The following TMEM245 variants were observed in gnomAD, a reference collection of about 807,000 sequenced individuals.
TMEM245 encodes the protein protein CG-2.
In TMEM245, 69 loss-of-function variants were observed where a neutral mutation model predicts 101.2. The observed-to-expected ratio is 0.68, with a 90% CI of 0.56 to 0.83. TMEM245 has a LOEUF of 0.83. Ranked by LOEUF, TMEM245 falls within the 40% of genes least tolerant of loss-of-function variation. The probability of loss-of-function intolerance (pLI) is 0.00; values close to 1 mark genes in which losing one functional copy is unlikely to be tolerated. For synonymous variants in TMEM245, 537 were observed against 449.8 expected, an observed-to-expected ratio of 1.19 and a Z score of -2.45; for missense variants, 1,075 against 1,092.8, an observed-to-expected ratio of 0.98 and a Z score of 0.23.
intron 1 of TMEM245, among the ~76,000 whole-genome samples, chr9:109,111,901 C>T (rs1830576209): frequency 6.6e-6 from 1 of 152,122 alleles, no homozygotes; most frequent in African/African-American, 2.4e-5. Flanking sequence ...TGTTTTATTA[C>T]AGGTGCTCAA....
intron 14 of TMEM245, 77 bp downstream of exon 14, chr9:109,050,206 T>G: frequency 6.5e-7 from 1 of 1,533,982 alleles, no homozygotes; most frequent in Non-Finnish European, 8.9e-7. Flanking sequence ...GTTATCAGGA[T>G]GCTCATGACA....
intron 14 of TMEM245, among the ~76,000 whole-genome samples, chr9:109,044,413 T>C (rs976841514): frequency 4.6e-5 from 7 of 152,142 alleles, no homozygotes; most frequent in Non-Finnish European, 1.0e-4. Context: ...AGGAAGAAGA[T>C]AAATAATGAA....
At chr9:109,028,498 T>TTG (rs1827855442) in intron 17 of TMEM245, among the ~76,000 whole-genome samples, 1 of 152,098 alleles carries the variant, frequency 6.6e-6, no homozygotes, top group Non-Finnish European at 1.5e-5. Flanking sequence ...AACACTTTCT[T>TTG]TGAGCATCAT....
intron 17 of TMEM245, among the ~76,000 whole-genome samples, chr9:109,021,725 C>T (rs1292825621): frequency 6.6e-6 from 1 of 152,018 alleles, no homozygotes; most frequent in Non-Finnish European, 1.5e-5. Context: ...ATCACCTGAG[C>T]CCAAGAGGTT....
chr9:109,046,334 G>A (rs766480460), intron 14 of TMEM245: 1 of 533,202 alleles, frequency 1.9e-6, no homozygotes, highest in Non-Finnish European at 3.9e-6. Flanking sequence ...CAGGGAAGAA[G>A]GGTGTGATGT....
At chr9:109,109,665 G>C (rs1420117721) in intron 1 of TMEM245, among the ~76,000 whole-genome samples, 1 of 151,966 alleles carries the variant, frequency 6.6e-6, no homozygotes, top group African/African-American at 2.4e-5. Flanking sequence ...GATAAATTTT[G>C]AAAAAGTTTT....
intron 15 of TMEM245, among the ~76,000 whole-genome samples, chr9:109,037,088 G>C (rs568368604): frequency 2.0e-5 from 3 of 152,258 alleles, no homozygotes; most frequent in Admixed American, 6.5e-5. Context: ...AATAGGGAAA[G>C]GGGGGGATGT....
intron 14 of TMEM245, among the ~76,000 whole-genome samples, chr9:109,045,862 C>T (rs1288548733): frequency 6.6e-6 from 1 of 152,082 alleles, no homozygotes; most frequent in African/African-American, 2.4e-5. Flanking sequence ...CTTCTCTATT[C>T]CAGTGTTGGG....
In TMEM245 at chr9:109,077,288, CT is replaced by C. The variant is rs1384084484; in HGVS notation, c.1449+3550del. ...ACCTCAGCCTCTCAAGTAGCTGGGA[CT>C]ACAGGCTTAAGTCACCATGCCCAAC... On this transcript the variant is annotated intron_variant, in intron 8 of 17. Transcript: ENST00000374586. Among the ~76,000 whole-genome samples the C allele has an allele frequency of 2.6e-5, 4 of 152,020 alleles. No individual in the cohort carries two copies. In the East Asian group the frequency reaches 7.7e-4, roughly 29 times the overall value.
At chr9:109,088,678 G>T (rs150845432) in intron 5 of TMEM245, among the ~76,000 whole-genome samples, 1 of 151,860 alleles carries the variant, frequency 6.6e-6, no homozygotes. Flanking sequence ...TTAGCCAGGC[G>T]TTGTGGCAGG....
At chr9:109,118,604 C>T (rs926017244) in intron 1 of TMEM245, among the ~76,000 whole-genome samples, 1 of 152,218 alleles carries the variant, frequency 6.6e-6, no homozygotes, top group South Asian at 2.1e-4. Flanking sequence ...CACAAATCTA[C>T]GTCTCTCCCC....
At chr9:109,073,187 C>A in intron 9 of TMEM245, 169 bp downstream of exon 9, 2 of 593,316 alleles carry the variant, frequency 3.4e-6, no homozygotes, top group Non-Finnish European at 6.0e-6. Flanking sequence ...TTCCTCCCAC[C>A]CTCTGTATTA....
chr9:109,064,440 G>T, intron 10 of TMEM245, 37 bp downstream of exon 10: 1 of 1,587,202 alleles, frequency 6.3e-7, no homozygotes. Context: ...TAAAGACCCT[G>T]AAAAGAGAAA....
intron 5 of TMEM245, among the ~76,000 whole-genome samples, chr9:109,090,688 C>T (rs1278946073): frequency 2.1e-5 from 3 of 146,240 alleles, no homozygotes; most frequent in African/African-American, 7.6e-5. Flanking sequence ...GGTGCCACTG[C>T]ACTTCCAGCC....
chr9:109,086,538 T>G (rs1829844539), intron 6 of TMEM245, among the ~76,000 whole-genome samples: 1 of 152,346 alleles, frequency 6.6e-6, no homozygotes, highest in South Asian at 2.1e-4. Context: ...TACCAGGCAA[T>G]AATCTAGGGA....
intron 17 of TMEM245, among the ~76,000 whole-genome samples, chr9:109,032,700 T>C (rs1827997811): frequency 6.6e-6 from 1 of 151,906 alleles, no homozygotes; most frequent in South Asian, 2.1e-4. Context: ...TGGTTGTCCA[T>C]TTCTTGAGTC....
intron 17 of TMEM245, among the ~76,000 whole-genome samples, chr9:109,032,323 T>C (rs1349587202): frequency 1.4e-5 from 2 of 143,820 alleles, no homozygotes; most frequent in African/African-American, 5.1e-5. Context: ...CAGAAATCTA[T>C]CCCAGACTCA....
At chr9:109,106,704 T>C (rs529588544) in intron 2 of TMEM245, 95 bp from the exon 3 acceptor site, 7 of 799,460 alleles carry the variant, frequency 8.8e-6, no homozygotes, top group African/African-American at 1.7e-5. Flanking sequence ...AACAATCTGG[T>C]ATATATATTA....
chr9:109,097,407 T>C (rs1830170249), intron 3 of TMEM245, among the ~76,000 whole-genome samples: 1 of 152,082 alleles, frequency 6.6e-6, no homozygotes. Flanking sequence ...GACCAGGGCA[T>C]AGAAGGTCTC....
Sources: gnomAD v4.1 joint callset for allele counts (sites outside exome capture counted in the v4.1 genomes callset) on GRCh38, gnomAD v4.1.1 for gene constraint, MANE v1.5 for transcripts, NCBI Gene and HGNC (gene_info 2026-07-23, HGNC 2026-07-21) for gene names.